Variants in DST observed in about 807,000 individuals in gnomAD.
DST encodes the protein bullous pemphigoid antigen.
A neutral mutation model predicts 875.2 loss-of-function variants in DST; 253 were observed. That is an observed-to-expected ratio of 0.29 (90% CI 0.26 to 0.32). The LOEUF (loss-of-function observed/expected upper bound fraction) is 0.32, where lower values mean the gene tolerates loss of function less well. Ranked by LOEUF, DST falls within the 10% of genes least tolerant of loss-of-function variation. The pLI is 1.00. For synonymous variants in DST, 3,124 were observed against 3,197.1 expected (o/e 0.98, Z 0.77); for missense variants, 8,287 against 9,111.6 (o/e 0.91, Z 3.68).
At chr6:56,899,461 GCA>G (rs1792994140) in intron 3 of DST, among the ~76,000 whole-genome samples, 1 of 151,820 alleles carries the variant, frequency 6.6e-6, no homozygotes, top group South Asian at 2.1e-4. Context: ...CTTGGCCTTC[GCA>G]CAGTCTCCAC....
rs185798894 is a variant in DST, at chr6:56,521,726, T to C, written c.18130-4106A>G. ...AAGGGAGTAGCTACAGGATCTACAT[T>C]AAGTAATTTATAGTAAGGCGAGGCA... is the stretch of plus-strand genomic sequence containing the variant. On this transcript the variant is annotated intron_variant, in intron 69 of 103. Coordinates refer to ENST00000680361, the MANE Select transcript of DST (RefSeq NM_001374736.1). Among the ~76,000 whole-genome samples, 5 of 151,936 alleles carry C rather than the reference T, an allele frequency of 3.3e-5. 1 individual carries two copies. The East Asian group carries it at 9.7e-4, about 29-fold the overall frequency.
chr6:56,950,919 G>A (rs750678297), intron 2 of DST, among the ~76,000 whole-genome samples: 8 of 152,210 alleles, frequency 5.3e-5, no homozygotes, highest in Non-Finnish European at 8.8e-5. Context: ...AGCTTCATGA[G>A]GAAGAAACTG....
intron 4 of DST, among the ~76,000 whole-genome samples, chr6:56,763,682 TATACACACACACACAC>T (rs1207967137): frequency 2.3e-5 from 1 of 42,716 alleles, no homozygotes; most frequent in African/African-American, 1.2e-4. Context: ...AAAAAATACC[TATACACACACACACAC>T]ACACACACAC....
At chr6:56,788,794 T>C (rs1482403988) in intron 4 of DST, among the ~76,000 whole-genome samples, 3 of 152,240 alleles carry the variant, frequency 2.0e-5, no homozygotes, top group Non-Finnish European at 4.4e-5. Flanking sequence ...GCAATTATGA[T>C]TGCTTCCAAC....
chr6:56,768,609 G>T (rs1346168048), intron 4 of DST, among the ~76,000 whole-genome samples: 1 of 151,998 alleles, frequency 6.6e-6, no homozygotes, highest in Non-Finnish European at 1.5e-5. Flanking sequence ...TAACATAAAA[G>T]AAAATCTAGA....
intron 22 of DST, among the ~76,000 whole-genome samples, chr6:56,637,941 T>G (rs1367202342): frequency 1.3e-5 from 2 of 152,042 alleles, no homozygotes; most frequent in Non-Finnish European, 2.9e-5. Context: ...TTAAGCTACT[T>G]TCAGTAAATT....
chr6:56,489,395 C>T, intron 86 of DST, 95 bp downstream of exon 86: 2 of 1,304,066 alleles, frequency 1.5e-6, no homozygotes, highest in South Asian at 2.1e-5. Context: ...TACATTTTTT[C>T]TTTAGTGATG....
intron 4 of DST, among the ~76,000 whole-genome samples, chr6:56,749,317 G>A (rs1176191350): frequency 6.6e-6 from 1 of 152,084 alleles, no homozygotes; most frequent in Non-Finnish European, 1.5e-5. Flanking sequence ...TTGGGCCACT[G>A]CACTCCAGCC....
chr6:56,601,675 T>C lies in DST; in HGVS notation c.11309A>G (p.Asn3770Ser). 1.3e-6 allele frequency: 2 copies of C among 1,550,086 alleles called. No individual in the cohort carries two copies. The highest frequency in any genetic ancestry group is 1.4e-5 in the African/African-American group (1 of 73,462). ...GGTATGTCCAAGGTCTTTTAATACA[T>C]TCTGTTAAAAAAGTAGTACAAGCTA... The part of the protein sequence containing the change: ...YVKKRLEFLK[N>S]VLKDLGHTKM... Residue 3770 changes from asparagine (N) to serine (S), a missense_variant and splice_region_variant, in exon 44 of 104, where the codon AAT (asparagine) becomes AGT (serine). By Grantham distance (46) the Asn-to-Ser change is conservative (BLOSUM62 1). This residue lies in a region of DST where 3,138 missense variants were observed against 3,116.6 expected (regional missense o/e 1.01). Coordinates refer to ENST00000680361, the MANE Select transcript of DST (RefSeq NM_001374736.1).
intron 4 of DST, among the ~76,000 whole-genome samples, chr6:56,739,470 G>A (rs536021222): frequency 1.3e-5 from 2 of 152,162 alleles, no homozygotes; most frequent in South Asian, 4.2e-4. Context: ...GTCATTTAAT[G>A]AGTCCAGTGC....
chr6:56,464,377 A>T (rs2094479417), intron 100 of DST: 1 of 394,812 alleles, frequency 2.5e-6, no homozygotes, highest in African/African-American at 2.0e-5. Flanking sequence ...ACCAGACCCA[A>T]GGATCTGTGA....
intron 30 of DST, 67 bp from the exon 31 acceptor site, chr6:56,630,450 A>G (rs1563310178): frequency 7.4e-7 from 1 of 1,347,690 alleles, no homozygotes; most frequent in East Asian, 2.3e-5. Context: ...TGTAGTCCTG[A>G]AGCACCATTA....
At chr6:56,463,267 T>G (rs146419099) in intron 101 of DST, 111 bp from the exon 102 acceptor site, 3 of 657,708 alleles carry the variant, frequency 4.6e-6, no homozygotes, top group African/African-American at 3.7e-5. Context: ...GAATAATAAT[T>G]TAAAATAAGT....
At chr6:56,468,853 C>T (rs1157216783) in intron 98 of DST, 129 bp downstream of exon 98, 14 of 687,144 alleles carry the variant, frequency 2.0e-5, no homozygotes, top group South Asian at 5.2e-5. Context: ...AGAAACACCA[C>T]GCCAACCAAC....
chr6:56,525,408 G>A (rs2096780044), intron 69 of DST, among the ~76,000 whole-genome samples: 2 of 152,108 alleles, frequency 1.3e-5, no homozygotes, highest in Admixed American at 6.6e-5. Context: ...TGCTATCACT[G>A]CATTTCATCA....
intron 2 of DST, among the ~76,000 whole-genome samples, chr6:56,914,951 G>C (rs1174113700): frequency 6.6e-6 from 1 of 152,244 alleles, no homozygotes; most frequent in Non-Finnish European, 1.5e-5. Context: ...AGAAACAGGA[G>C]CAGCAGTCAG....
intron 92 of DST, among the ~76,000 whole-genome samples, chr6:56,475,127 A>G (rs1049893288): frequency 1.3e-5 from 2 of 152,128 alleles, no homozygotes; most frequent in Non-Finnish European, 2.9e-5. Flanking sequence ...AGGTTTAACT[A>G]TCTTGCCACT....
At chr6:56,683,954 GTCTTT>G (rs996613946) in intron 9 of DST, among the ~76,000 whole-genome samples, 1 of 152,158 alleles carries the variant, frequency 6.6e-6, no homozygotes, top group African/African-American at 2.4e-5. Context: ...GCTTCAAAAT[GTCTTT>G]TCAATAAAAG....
chr6:56,791,587 A>G (rs545995200), intron 4 of DST, among the ~76,000 whole-genome samples: 1 of 152,108 alleles, frequency 6.6e-6, no homozygotes, highest in Non-Finnish European at 1.5e-5. Flanking sequence ...GAAGTTCGAG[A>G]CCAGCCTACG....
Sources: allele counts gnomAD v4.1 joint callset (sites outside exome capture counted in the v4.1 genomes callset), GRCh38; gene constraint gnomAD v4.1.1; regional missense constraint gnomAD v4.1.1; transcripts MANE v1.5; gene names NCBI Gene and HGNC (gene_info 2026-07-23, HGNC 2026-07-21).